ABCC4: variants seen among roughly 807,000 people sequenced by gnomAD.
ABCC4 encodes the protein ATP binding cassette subfamily C member 4 (PEL blood group).
A neutral mutation model predicts 168.5 loss-of-function variants in ABCC4; 102 were observed. That is an observed-to-expected ratio of 0.61 (90% CI 0.52 to 0.71). ABCC4 has a LOEUF of 0.71. ABCC4 is among the 30% of genes least tolerant of loss of function. ABCC4 has a pLI of 0.00. For synonymous variants in ABCC4, 617 were observed against 590.7 expected (o/e 1.04, Z -0.65); for missense variants, 1,402 against 1,605.8 (o/e 0.87, Z 2.17).
At chr13:95,295,584 G>A (rs2041509049) in intron 1 of ABCC4, among the ~76,000 whole-genome samples, 3 of 152,030 alleles carry the variant, frequency 2.0e-5, no homozygotes, top group African/African-American at 7.2e-5. Flanking sequence ...CTTGAACCCT[G>A]GAGGCAGAGA....
At chr13:95,225,142 C>CTG (rs2039420196) in intron 4 of ABCC4, among the ~76,000 whole-genome samples, 1 of 46,660 alleles carries the variant, frequency 2.1e-5, no homozygotes, top group Admixed American at 2.1e-4. Context: ...GTCTGTCTGT[C>CTG]TCTCTCTCTC....
intron 1 of ABCC4, among the ~76,000 whole-genome samples, chr13:95,298,713 A>C (rs555331878): frequency 8.1e-4 from 123 of 152,320 alleles, no homozygotes; most frequent in African/African-American, 2.7e-3. Flanking sequence ...AACTGGAAGC[A>C]GCTCAGTACA....
intron 1 of ABCC4, among the ~76,000 whole-genome samples, chr13:95,266,593 G>A (rs2040680829): frequency 6.6e-6 from 1 of 152,182 alleles, no homozygotes; most frequent in Non-Finnish European, 1.5e-5. Context: ...GCTGTCCTGG[G>A]GCACGCAGTT....
chr13:95,064,828 A>G (rs1399471767), intron 25 of ABCC4, among the ~76,000 whole-genome samples: 1 of 152,192 alleles, frequency 6.6e-6, no homozygotes, highest in Non-Finnish European at 1.5e-5. Context: ...CTTCAAAGTC[A>G]TCAAAATTAC....
At position 95,136,295 on chromosome 13, in the gene ABCC4, C is replaced by A. The variant is rs570637661; in HGVS notation, c.2456-20294G>T. Among the ~76,000 whole-genome samples, 7 of 152,208 alleles carry A rather than the reference C, an allele frequency of 4.6e-5. No homozygotes were observed. The East Asian group carries it at 1.4e-3, about 30-fold the overall frequency. On this transcript the variant is annotated intron_variant, in intron 19 of 30. Coordinates refer to ENST00000645237, the MANE Select transcript of ABCC4 (RefSeq NM_005845.5). The stretch of plus-strand genomic sequence containing the variant: ...TTAGCCTCCCAAGTAGCTGGGACTA[C>A]AGGCATGCACCACCACGCCTGGGTA...
At chr13:95,121,128 C>T (rs1594130158) in intron 19 of ABCC4, among the ~76,000 whole-genome samples, 1 of 152,268 alleles carries the variant, frequency 6.6e-6, no homozygotes, top group East Asian at 1.9e-4. Context: ...ACATGAGGTA[C>T]TTATCCTCCT....
intron 20 of ABCC4, among the ~76,000 whole-genome samples, chr13:95,114,447 C>T (rs567367995): frequency 2.6e-5 from 4 of 152,188 alleles, no homozygotes; most frequent in South Asian, 4.1e-4. Flanking sequence ...TTAACAATCC[C>T]TGTCAAAACG....
chr13:95,179,797 C>A (rs922215685), intron 11 of ABCC4, among the ~76,000 whole-genome samples: 1 of 152,136 alleles, frequency 6.6e-6, no homozygotes, highest in African/African-American at 2.4e-5. Flanking sequence ...AAGCAAATGG[C>A]ACATTGAGAT....
chr13:95,167,109 G>C (rs895802670), intron 14 of ABCC4, among the ~76,000 whole-genome samples: 1 of 151,800 alleles, frequency 6.6e-6, no homozygotes, highest in South Asian at 2.1e-4. Context: ...CCCAGAAGGC[G>C]GAGGTTGCAG....
At chr13:95,037,385 T>A (rs528573428) in intron 29 of ABCC4, among the ~76,000 whole-genome samples, 11 of 152,232 alleles carry the variant, frequency 7.2e-5, no homozygotes, top group Non-Finnish European at 1.5e-4. Flanking sequence ...CTTCCTTCCA[T>A]CCATTCATCC....
chr13:95,280,416 CAAA>C (rs10708482), intron 1 of ABCC4, among the ~76,000 whole-genome samples: 20 of 90,446 alleles, frequency 2.2e-4, no homozygotes, highest in Admixed American at 4.8e-4. Context: ...GACTCCATCT[CAAA>C]AAAAAAAAAA....
intron 19 of ABCC4, among the ~76,000 whole-genome samples, chr13:95,146,413 T>G (rs1188462240): frequency 6.6e-6 from 1 of 152,002 alleles, no homozygotes; most frequent in Non-Finnish European, 1.5e-5. Context: ...AAAATAAAAG[T>G]TGGAAGAAAC....
intron 25 of ABCC4, among the ~76,000 whole-genome samples, chr13:95,066,567 T>C (rs1470413623): frequency 3.3e-5 from 5 of 152,222 alleles, no homozygotes; most frequent in Admixed American, 3.3e-4. Flanking sequence ...TGTTCAGGTA[T>C]ACAATAAGCT....
At chr13:95,169,017 C>T (rs183799267) in intron 14 of ABCC4, among the ~76,000 whole-genome samples, 2 of 152,188 alleles carry the variant, frequency 1.3e-5, no homozygotes, top group East Asian at 1.9e-4. Flanking sequence ...AGAGACACAG[C>T]GACAATGCCA....
chr13:95,165,349 T>C (rs753845446), intron 15 of ABCC4, among the ~76,000 whole-genome samples: 1 of 152,162 alleles, frequency 6.6e-6, no homozygotes, highest in East Asian at 1.9e-4. Context: ...GTTTCAGAAA[T>C]TGACTCCTGA....
chr13:95,049,918 C>T (rs1269731510), intron 27 of ABCC4, among the ~76,000 whole-genome samples: 1 of 152,168 alleles, frequency 6.6e-6, no homozygotes, highest in Non-Finnish European at 1.5e-5. Context: ...AGTTTGGGTT[C>T]CCATTTCCAG....
chr13:95,061,626 G>A (rs2033300031), intron 26 of ABCC4, among the ~76,000 whole-genome samples: 1 of 125,934 alleles, frequency 7.9e-6, no homozygotes, highest in Non-Finnish European at 1.7e-5. Context: ...GTGTGTGTGT[G>A]TGTGTGTGTG....
chr13:95,070,142 G>A (rs72642360), intron 25 of ABCC4, among the ~76,000 whole-genome samples: 3,125 of 152,304 alleles, frequency 0.021, 52 homozygotes, highest in Non-Finnish European at 0.033. Context: ...TACGGGGGAG[G>A]TTGAAGCAGG....
chr13:95,085,691 C>CTAGTG (rs2034234238), intron 20 of ABCC4, among the ~76,000 whole-genome samples: 1 of 152,206 alleles, frequency 6.6e-6, no homozygotes, highest in Non-Finnish European at 1.5e-5. Context: ...ATCTGGCCTA[C>CTAGTG]TAGGCCACCC....
Sources: gnomAD v4.1 joint callset for allele counts (sites outside exome capture counted in the v4.1 genomes callset) on GRCh38, gnomAD v4.1.1 for gene constraint, MANE v1.5 for transcripts, NCBI Gene and HGNC (gene_info 2026-07-23, HGNC 2026-07-21) for gene names.